PCDH15: variants seen among roughly 807,000 people sequenced by gnomAD.
PCDH15 encodes the protein protocadherin-15.
A neutral mutation model predicts 178.5 loss-of-function variants in PCDH15; 129 were observed. The ratio of observed to expected loss-of-function variants is 0.72; its 90% CI spans 0.63 to 0.84. The LOEUF (loss-of-function observed/expected upper bound fraction) is 0.84. Among genes scored for constraint, PCDH15 ranks in the 40% least tolerant of loss-of-function variants. The pLI is 0.00. For synonymous variants in PCDH15, 800 were observed against 732.0 expected (o/e 1.09, Z -1.50); for missense variants, 2,230 against 2,099.9 (o/e 1.06, Z -1.21).
chr10:53,869,003 T>C (rs1273284787), intron 26 of PCDH15, among the ~76,000 whole-genome samples: 1 of 152,106 alleles, frequency 6.6e-6, no homozygotes, highest in East Asian at 1.9e-4. Flanking sequence ...ACACAGGGTC[T>C]CGCTATGTTG....
At position 54,889,869 on chromosome 10, in the gene PCDH15, G is replaced by A. The variant is rs141302296; in HGVS notation, c.-29+7581C>T. ...AATCTCAAACACCATTTATAAATGA[G>A]AGGGCAAAGTACTTCCTTACCAAAT... is the stretch of plus-strand genomic sequence containing the variant. On this transcript the variant is annotated intron_variant, in intron 3 of 5. Transcript: ENST00000458638. 8.4e-4 allele frequency among the ~76,000 whole-genome samples: 128 copies of A among 151,846 alleles called. 1 individual carries two copies. Among genetic ancestry groups the A allele is most frequent in the Non-Finnish European group, 1.6e-3 (108 of 67,804 alleles).
intron 1 of PCDH15, among the ~76,000 whole-genome samples, chr10:55,182,260 A>G (rs1268486014): frequency 6.6e-6 from 1 of 152,002 alleles, no homozygotes; most frequent in East Asian, 1.9e-4. Flanking sequence ...AAGTGAATAA[A>G]AATAACTACA....
At chr10:55,289,763 CAATATT>C (rs1842962196) in intron 1 of PCDH15, among the ~76,000 whole-genome samples, 1 of 151,946 alleles carries the variant, frequency 6.6e-6, no homozygotes, top group Admixed American at 6.6e-5. Flanking sequence ...ACTATTGTAA[CAATATT>C]AACAGGTGGG....
chr10:54,443,704 G>A (rs1353145363), intron 3 of PCDH15, among the ~76,000 whole-genome samples: 3 of 151,542 alleles, frequency 2.0e-5, no homozygotes, highest in Admixed American at 1.3e-4. Context: ...TTGTTATTGG[G>A]TTTATAGGTG....
chr10:55,224,977 C>A (rs1002279228), intron 1 of PCDH15, among the ~76,000 whole-genome samples: 27 of 152,074 alleles, frequency 1.8e-4, no homozygotes, highest in Non-Finnish European at 4.4e-5. Flanking sequence ...ACTCCTTGGT[C>A]AATATCATGT....
chr10:55,228,994 T>C (rs894299438), intron 1 of PCDH15, among the ~76,000 whole-genome samples: 1 of 151,904 alleles, frequency 6.6e-6, no homozygotes, highest in South Asian at 2.1e-4. Flanking sequence ...GCAACAAAAG[T>C]AAAGGCCCAA....
At chr10:55,181,604 T>C (rs183318138) in intron 1 of PCDH15, among the ~76,000 whole-genome samples, 47 of 152,036 alleles carry the variant, frequency 3.1e-4, no homozygotes, top group African/African-American at 1.1e-3. Flanking sequence ...TCTAAGAGTG[T>C]CAACATTTTT....
intron 16 of PCDH15, among the ~76,000 whole-genome samples, chr10:54,088,306 A>T (rs76743001): frequency 0.2 from 30,397 of 152,122 alleles, 3,297 homozygotes; most frequent in Non-Finnish European, 0.25. Context: ...TGACAAATGA[A>T]CAGTGATCGT....
intron 1 of PCDH15, among the ~76,000 whole-genome samples, chr10:55,170,048 G>A (rs1189883110): frequency 6.6e-6 from 1 of 152,094 alleles, no homozygotes; most frequent in Non-Finnish European, 1.5e-5. Flanking sequence ...GTGAGGGAAG[G>A]AGTAGAAGAG....
At chr10:54,245,206 A>G (rs566511372) in intron 8 of PCDH15, among the ~76,000 whole-genome samples, 1 of 152,262 alleles carries the variant, frequency 6.6e-6, no homozygotes, top group African/African-American at 2.4e-5. Context: ...TTGATTTTGG[A>G]GAAATAAAAT....
intron 8 of PCDH15, among the ~76,000 whole-genome samples, chr10:54,283,691 T>C (rs768382827): frequency 1.3e-5 from 2 of 152,022 alleles, no homozygotes; most frequent in Non-Finnish European, 2.9e-5. Flanking sequence ...TAAAGTGTAA[T>C]ACCAAAATAA....
intron 15 of PCDH15, among the ~76,000 whole-genome samples, chr10:54,098,209 TG>T: frequency 1.3e-5 from 2 of 151,388 alleles, no homozygotes; most frequent in Non-Finnish European, 2.9e-5. Flanking sequence ...TGTGTGTGTG[TG>T]TGTGTGTGTG....
chr10:55,115,201 T>A (rs1837600663), intron 2 of PCDH15, among the ~76,000 whole-genome samples: 1 of 152,208 alleles, frequency 6.6e-6, no homozygotes, highest in African/African-American at 2.4e-5. Context: ...CAAAACTGCC[T>A]TGCTTTTTTC....
At chr10:55,193,976 A>C (rs1382602821) in intron 1 of PCDH15, among the ~76,000 whole-genome samples, 1 of 152,042 alleles carries the variant, frequency 6.6e-6, no homozygotes, top group Non-Finnish European at 1.5e-5. Flanking sequence ...ATATTAGCTT[A>C]TATTTGCTGC....
At chr10:55,220,419 T>C (rs760996531) in intron 1 of PCDH15, among the ~76,000 whole-genome samples, 1 of 152,046 alleles carries the variant, frequency 6.6e-6, no homozygotes, top group Non-Finnish European at 1.5e-5. Context: ...CACAGAAAGA[T>C]ATACAGTCAT....
At chr10:55,271,036 A>G (rs934016757) in intron 1 of PCDH15, among the ~76,000 whole-genome samples, 3 of 152,114 alleles carry the variant, frequency 2.0e-5, no homozygotes, top group African/African-American at 7.2e-5. Context: ...TAACACAAGA[A>G]CAGAAAACCA....
chr10:54,453,282 G>T (rs552755766), intron 3 of PCDH15, among the ~76,000 whole-genome samples: 25 of 152,174 alleles, frequency 1.6e-4, no homozygotes, highest in East Asian at 9.7e-4. Context: ...TAGACTGGAT[G>T]AAGAAAATGT....
upstream of PCDH15, among the ~76,000 whole-genome samples, chr10:54,802,073 G>A (rs1236086948): frequency 1.3e-5 from 2 of 152,170 alleles, no homozygotes; most frequent in Non-Finnish European, 2.9e-5. Context: ...TTTTAGTAGT[G>A]ATTGTGACAG....
chr10:54,580,121 C>A (rs376749532), intron 2 of PCDH15, among the ~76,000 whole-genome samples: 20 of 152,032 alleles, frequency 1.3e-4, no homozygotes, highest in African/African-American at 4.8e-4. Context: ...TAACTAAAAT[C>A]AGAGCAGAAC....
Sources: gnomAD v4.1 joint callset for allele counts (sites outside exome capture counted in the v4.1 genomes callset) on GRCh38, gnomAD v4.1.1 for gene constraint, MANE v1.5 for transcripts, NCBI Gene and HGNC (gene_info 2026-07-23, HGNC 2026-07-21) for gene names.